The following DPYD variants were observed in gnomAD, a reference collection of about 807,000 sequenced individuals.
DPYD encodes the protein dihydropyrimidine dehydrogenase [NADP(+)].
A neutral mutation model predicts 116.2 loss-of-function variants in DPYD; 109 were observed. That is an observed-to-expected ratio of 0.94 (90% CI 0.80 to 1.10). The LOEUF (loss-of-function observed/expected upper bound fraction) is 1.10, where lower values mean the gene tolerates loss of function less well. Among genes scored for constraint, DPYD ranks in the 50% least tolerant of loss-of-function variants. The pLI, the probability that DPYD is intolerant of heterozygous loss-of-function variation, is 0.00. For missense variants in DPYD, 1,302 were observed against 1,254.5 expected, an observed-to-expected ratio of 1.04 and a Z score of -0.57; for synonymous variants, 440 against 432.0, an observed-to-expected ratio of 1.02 and a Z score of -0.23.
rs748800888 is a variant in DPYD at position 97,593,203 on chromosome 1, A to G, written c.1128+15T>C. 2 of 1,613,622 alleles carry G rather than the reference A, an allele frequency of 1.2e-6. No homozygotes were observed. Among genetic ancestry groups the G allele is most frequent in the South Asian group, 1.1e-5 (1 of 91,088 alleles). The stretch of plus-strand genomic sequence containing the variant: ...TTGGAGTACAACTCCATATTTTCTG[A>G]TGGTTCCATTTTACCTCCTCAGGGA... On this transcript the variant is annotated intron_variant, in intron 10 of 22. Transcript: ENST00000370192.
At chr1:97,718,648 A>T (rs1477264834) in intron 5 of DPYD, among the ~76,000 whole-genome samples, 1 of 151,820 alleles carries the variant, frequency 6.6e-6, no homozygotes, top group Non-Finnish European at 1.5e-5. Flanking sequence ...TAATTTTTTA[A>T]TCAGTAGAAG....
At chr1:97,546,166 C>T in intron 12 of DPYD, 1 of 1,443,518 alleles carries the variant, frequency 6.9e-7, no homozygotes, top group African/African-American at 1.4e-5. Flanking sequence ...GAGGAACAGC[C>T]AGCAGAAGAT....
chr1:97,417,386 C>T (rs1674341658), intron 14 of DPYD, among the ~76,000 whole-genome samples: 1 of 152,114 alleles, frequency 6.6e-6, no homozygotes, highest in Admixed American at 6.5e-5. Flanking sequence ...AGCACTCAAC[C>T]AATATTAGCT....
chr1:97,581,904 G>A (rs1653707318), intron 10 of DPYD, among the ~76,000 whole-genome samples: 1 of 152,112 alleles, frequency 6.6e-6, no homozygotes, highest in African/African-American at 2.4e-5. Context: ...GGGTGTGGAA[G>A]GGTAAAGGAG....
At chr1:97,358,591 G>A (rs1490595234) in intron 16 of DPYD, among the ~76,000 whole-genome samples, 2 of 152,136 alleles carry the variant, frequency 1.3e-5, no homozygotes, top group Admixed American at 1.3e-4. Context: ...GCCCCTCTGG[G>A]ACGAAGCTTC....
chr1:97,141,465 C>A (rs961184119), intron 20 of DPYD, among the ~76,000 whole-genome samples: 1 of 152,028 alleles, frequency 6.6e-6, no homozygotes, highest in East Asian at 1.9e-4. Context: ...CAGACATCCA[C>A]GAGGCTTATT....
chr1:97,528,628 T>C (rs1649332104), intron 12 of DPYD, among the ~76,000 whole-genome samples: 1 of 152,044 alleles, frequency 6.6e-6, no homozygotes, highest in Non-Finnish European at 1.5e-5. Context: ...TCCCCAGTTT[T>C]CCCCCATTTA....
At chr1:97,840,205 A>G (rs1168099659) in intron 2 of DPYD, among the ~76,000 whole-genome samples, 4 of 152,122 alleles carry the variant, frequency 2.6e-5, no homozygotes, top group Non-Finnish European at 1.5e-5. Flanking sequence ...AGACAACAAT[A>G]AAGTATTGAA....
chr1:97,267,298 T>A (rs1324688628), intron 18 of DPYD, among the ~76,000 whole-genome samples: 1 of 152,250 alleles, frequency 6.6e-6, no homozygotes, highest in Non-Finnish European at 1.5e-5. Context: ...GAGCATTTTT[T>A]TCATGTGTCT....
chr1:97,083,366 A>G lies in DPYD; in HGVS notation c.2767-896T>C, dbSNP rs573207740. Among the ~76,000 whole-genome samples the G allele has an allele frequency of 2.6e-4, 39 of 152,104 alleles. 1 individual carries two copies. The highest frequency in any genetic ancestry group is 9.2e-4 in the African/African-American group (38 of 41,518). ...GACTCTTAGTTAAAATCATCTTTCC[A>G]TATTCTCTTTGGTATTGCATTTTCT... On this transcript the variant is annotated intron_variant, in intron 21 of 22. Transcript: ENST00000370192.
chr1:97,130,779 TTC>T (rs1222721480), intron 20 of DPYD, among the ~76,000 whole-genome samples: 1 of 33,382 alleles, frequency 3.0e-5, no homozygotes, highest in African/African-American at 2.0e-4. Flanking sequence ...CTTCCTTCCT[TTC>T]CTTCCCTCCT....
intron 14 of DPYD, among the ~76,000 whole-genome samples, chr1:97,405,975 G>C (rs1479032461): frequency 1.3e-5 from 2 of 152,136 alleles, no homozygotes; most frequent in African/African-American, 4.8e-5. Context: ...TGAGAAGTTT[G>C]TCAAGCTTCT....
intron 14 of DPYD, among the ~76,000 whole-genome samples, chr1:97,425,169 T>C (rs1674794292): frequency 6.6e-6 from 1 of 152,028 alleles, no homozygotes; most frequent in South Asian, 2.1e-4. Flanking sequence ...ATACTATTTT[T>C]TAAGCCTATA....
At chr1:97,844,247 T>C (rs983797306) in intron 2 of DPYD, among the ~76,000 whole-genome samples, 1 of 152,246 alleles carries the variant, frequency 6.6e-6, no homozygotes, top group African/African-American at 2.4e-5. Context: ...TTTTCATCCC[T>C]GTTTTCTGGC....
intron 2 of DPYD, among the ~76,000 whole-genome samples, chr1:97,839,780 C>A (rs918680194): frequency 6.6e-6 from 1 of 152,030 alleles, no homozygotes; most frequent in Non-Finnish European, 1.5e-5. Context: ...AGACAATTCA[C>A]CACAAGTTTG....
At chr1:97,212,646 C>A (rs1570681791) in intron 19 of DPYD, among the ~76,000 whole-genome samples, 1 of 152,186 alleles carries the variant, frequency 6.6e-6, no homozygotes, top group East Asian at 1.9e-4. Context: ...AACTGCCAAA[C>A]TGTTTTCCAA....
intron 4 of DPYD, among the ~76,000 whole-genome samples, chr1:97,726,491 A>G (rs1391908255): frequency 6.6e-6 from 1 of 151,632 alleles, no homozygotes; most frequent in Non-Finnish European, 1.5e-5. Flanking sequence ...TGAGCAGGTC[A>G]TCATTGTTAG....
At chr1:97,912,803 T>C (rs540424804) in intron 1 of DPYD, among the ~76,000 whole-genome samples, 27 of 152,214 alleles carry the variant, frequency 1.8e-4, no homozygotes, top group African/African-American at 6.3e-4. Flanking sequence ...CCTTTCTTCT[T>C]TGAACTGTGG....
chr1:97,540,584 C>T (rs890253246), intron 12 of DPYD, among the ~76,000 whole-genome samples: 3 of 152,080 alleles, frequency 2.0e-5, no homozygotes, highest in Admixed American at 6.6e-5. Context: ...GAAGCACCCC[C>T]GTCACCCATA....
Sources: gnomAD v4.1 joint callset for allele counts (sites outside exome capture counted in the v4.1 genomes callset) on GRCh38, gnomAD v4.1.1 for gene constraint, MANE v1.5 for transcripts, NCBI Gene and HGNC (gene_info 2026-07-23, HGNC 2026-07-21) for gene names.